The following ANXA8 variants were observed in gnomAD, a reference collection of about 807,000 sequenced individuals.
ANXA8 encodes the protein annexin A8.
ANXA8 carries 9 observed loss-of-function variants against 26.8 expected under a neutral mutation model. The ratio of observed to expected loss-of-function variants is 0.34; its 90% CI spans 0.20 to 0.59. The LOEUF is 0.59. Ranked by LOEUF, ANXA8 falls within the 20% of genes least tolerant of loss-of-function variation. The pLI is 0.84. For synonymous variants in ANXA8, 39 were observed against 94.8 expected (o/e 0.41, Z 3.42); for missense variants, 83 against 238.5 (o/e 0.35, Z 4.29).
the ANXA8 span, among the ~76,000 whole-genome samples, chr10:47,612,946 G>A: frequency 5.2e-3 from 395 of 75,252 alleles, 134 homozygotes; most frequent in African/African-American, 0.014. Context: ...ACTGCTATAA[G>A]CAACAGAAAA....
the ANXA8 span, chr10:47,581,262 T>C: frequency 2.1e-6 from 1 of 484,938 alleles, no homozygotes; most frequent in Non-Finnish European, 4.1e-6. Flanking sequence ...TCCACAGATG[T>C]GGGGATCTCA....
the ANXA8 span, among the ~76,000 whole-genome samples, chr10:47,522,409 AACAC>A: frequency 6.7e-6 from 1 of 149,416 alleles, no homozygotes; most frequent in Non-Finnish European, 1.5e-5. Flanking sequence ...AGAAACCCCA[AACAC>A]ACACACACAA....
chr10:47,969,516 G>T, the ANXA8 span, among the ~76,000 whole-genome samples: 13 of 145,050 alleles, frequency 9.0e-5, no homozygotes, highest in African/African-American at 3.2e-4. Flanking sequence ...GCTCCGGGTG[G>T]AGACTGTTTC....
the ANXA8 span, among the ~76,000 whole-genome samples, chr10:47,597,278 T>A: frequency 6.7e-6 from 1 of 149,220 alleles, no homozygotes; most frequent in South Asian, 2.1e-4. Context: ...AAGAACCATC[T>A]ATTGACAAAC....
At chr10:47,743,329 C>CATATATATACACAT in the ANXA8 span, among the ~76,000 whole-genome samples, 85 of 47,766 alleles carry the variant, frequency 1.8e-3, 6 homozygotes, top group Middle Eastern at 0.014. Context: ...TATATATATA[C>CATATATATACACAT]ATATATATAT....
the ANXA8 span, chr10:47,590,234 T>G: frequency 6.8e-6 from 1 of 146,248 alleles, no homozygotes; most frequent in Non-Finnish European, 1.5e-5. Context: ...TTCTCAAGGG[T>G]GAAGTGCCAA....
At chr10:47,970,620 C>T in the ANXA8 span, 1 of 151,354 alleles carries the variant, frequency 6.6e-6, no homozygotes. Context: ...ATATCGTAGG[C>T]ATGTGACTAA....
chr10:47,660,469 C>T, the ANXA8 span, among the ~76,000 whole-genome samples: 9 of 151,072 alleles, frequency 6.0e-5, no homozygotes, highest in Admixed American at 2.0e-4. Flanking sequence ...GGTGTGATCT[C>T]GGCTCACTGC....
At chr10:47,986,348 T>TGTCCC in the ANXA8 span, 1 of 178,618 alleles carries the variant, frequency 5.6e-6, no homozygotes, top group African/African-American at 2.4e-5. Flanking sequence ...CTGAACTTTT[T>TGTCCC]GTTGAGTTAT....
the ANXA8 span, among the ~76,000 whole-genome samples, chr10:47,967,880 A>C: frequency 1.5e-5 from 2 of 129,080 alleles, no homozygotes; most frequent in Non-Finnish European, 3.5e-5. Context: ...ATAGCTTCAG[A>C]GTAAACTAAC....
the ANXA8 span, among the ~76,000 whole-genome samples, chr10:47,976,621 A>C: frequency 6.7e-6 from 1 of 148,236 alleles, no homozygotes; most frequent in East Asian, 2.0e-4. Flanking sequence ...GCAGCCTGGT[A>C]GCCACTGGGG....
chr10:47,521,394 C>T, the ANXA8 span, among the ~76,000 whole-genome samples: 2 of 139,844 alleles, frequency 1.4e-5, no homozygotes, highest in African/African-American at 5.4e-5. Context: ...TAAAGCAATC[C>T]TTAAATATCT....
the ANXA8 span, chr10:47,507,477 A>G: frequency 6.8e-7 from 1 of 1,460,804 alleles, no homozygotes; most frequent in Non-Finnish European, 9.1e-7. Context: ...TAGAGCTGTG[A>G]CCTAACACTG....
At chr10:47,733,231 C>CTTTCTTTCTT in the ANXA8 span, among the ~76,000 whole-genome samples, 121 of 74,908 alleles carry the variant, frequency 1.6e-3, no homozygotes, top group Admixed American at 2.5e-3. Flanking sequence ...CTCTTTCTTT[C>CTTTCTTTCTT]TCTCTTTCTT....
chr10:47,570,944 G>A, the ANXA8 span, among the ~76,000 whole-genome samples: 1 of 150,424 alleles, frequency 6.6e-6, no homozygotes, highest in African/African-American at 2.5e-5. Context: ...CCTTTGACGT[G>A]CCGCATACCC....
chr10:47,735,631 G>C, the ANXA8 span, among the ~76,000 whole-genome samples: 1 of 148,270 alleles, frequency 6.7e-6, no homozygotes, highest in Non-Finnish European at 1.5e-5. Context: ...TCAGCCTCCT[G>C]CATGTATCTA....
chr10:47,658,165 C>T, the ANXA8 span, among the ~76,000 whole-genome samples: 2 of 151,764 alleles, frequency 1.3e-5, no homozygotes, highest in Admixed American at 6.6e-5. Flanking sequence ...ATCAAGAGAT[C>T]GAGACCATCC....
chr10:47,682,981 G>T, the ANXA8 span, among the ~76,000 whole-genome samples: 291 of 149,140 alleles, frequency 2.0e-3, no homozygotes, highest in African/African-American at 7.2e-3. Context: ...TGTCTCACTT[G>T]AATACCAAAG....
chr10:47,670,567 G>A, the ANXA8 span, among the ~76,000 whole-genome samples: 1 of 152,004 alleles, frequency 6.6e-6, no homozygotes, highest in Admixed American at 6.6e-5. Context: ...TCTAGTGGGT[G>A]TAAAGTGGTA....
Sources: gnomAD v4.1 joint callset for allele counts (sites outside exome capture counted in the v4.1 genomes callset) on GRCh38, gnomAD v4.1.1 for gene constraint, MANE v1.5 for transcripts, NCBI Gene and HGNC (gene_info 2026-07-23, HGNC 2026-07-21) for gene names.